Variants in MSR1 observed in about 807,000 individuals in gnomAD.
MSR1 encodes macrophage scavenger receptor types I and II.
In MSR1, 53 loss-of-function variants were observed where a neutral mutation model predicts 47.2. The ratio of observed to expected loss-of-function variants is 1.12; its 90% CI spans 0.90 to 1.41. The LOEUF (loss-of-function observed/expected upper bound fraction) is 1.41, where lower values mean the gene tolerates loss of function less well. Among genes scored for constraint, MSR1 ranks in the 40% most tolerant of loss-of-function variants. MSR1 has a pLI of 0.00. For synonymous variants in MSR1, 239 were observed against 185.6 expected, an observed-to-expected ratio of 1.29 and a Z score of -2.34; for missense variants, 786 against 546.9, an observed-to-expected ratio of 1.44 and a Z score of -4.36.
chr8:16,165,824 G>C (rs149966268), intron 4 of MSR1, among the ~76,000 whole-genome samples: 12 of 152,128 alleles, frequency 7.9e-5, no homozygotes, highest in African/African-American at 2.9e-4. Flanking sequence ...AGACTTACCA[G>C]CTTTTATTGC....
chr8:16,121,044 C>A, intron 8 of MSR1: 1 of 347,586 alleles, frequency 2.9e-6, no homozygotes. Context: ...GGGCGAGGAG[C>A]AGATATTTTA....
intron 9 of MSR1, among the ~76,000 whole-genome samples, chr8:16,119,305 A>C (rs1469317332): frequency 6.6e-6 from 1 of 151,774 alleles, no homozygotes; most frequent in Non-Finnish European, 1.5e-5. Flanking sequence ...GGCTCACTGC[A>C]ACCTCCACCT....
intron 8 of MSR1, among the ~76,000 whole-genome samples, chr8:16,138,092 G>T (rs1800435662): frequency 6.6e-6 from 1 of 151,812 alleles, no homozygotes; most frequent in Non-Finnish European, 1.5e-5. Context: ...TTAAGATTGA[G>T]CTGAGTCCTT....
chr8:16,112,882 T>A (rs148152127), intron 9 of MSR1, among the ~76,000 whole-genome samples: 5 of 151,686 alleles, frequency 3.3e-5, no homozygotes, highest in Non-Finnish European at 7.4e-5. Flanking sequence ...TATATATATC[T>A]ATGATTTCCT....
At chr8:16,128,319 T>G (rs183680061) in intron 8 of MSR1, among the ~76,000 whole-genome samples, 2 of 152,200 alleles carry the variant, frequency 1.3e-5, no homozygotes. Context: ...AGAGGCCATA[T>G]GGAGGTAATT....
chr8:16,180,407 G>T (rs139514269), intron 1 of MSR1, among the ~76,000 whole-genome samples: 1 of 152,132 alleles, frequency 6.6e-6, no homozygotes, highest in Non-Finnish European at 1.5e-5. Flanking sequence ...GGGGGCTCAA[G>T]AATTTGCAAT....
intron 1 of MSR1, among the ~76,000 whole-genome samples, chr8:16,188,980 A>G (rs894359153): frequency 1.4e-5 from 2 of 145,594 alleles, no homozygotes; most frequent in African/African-American, 5.0e-5. Flanking sequence ...ATATATATAT[A>G]TATATATATA....
chr8:16,191,675 A>G (rs571176978), intron 1 of MSR1, among the ~76,000 whole-genome samples: 3 of 152,288 alleles, frequency 2.0e-5, no homozygotes, highest in African/African-American at 7.2e-5. Flanking sequence ...GAATTTGAAC[A>G]CAGGCAGTCT....
At chr8:16,129,583 C>CA (rs1179277964) in intron 8 of MSR1, among the ~76,000 whole-genome samples, 1 of 152,002 alleles carries the variant, frequency 6.6e-6, no homozygotes, top group Non-Finnish European at 1.5e-5. Context: ...CCGTTCCCTA[C>CA]AAAAAATTTT....
intron 5 of MSR1, among the ~76,000 whole-genome samples, chr8:16,163,473 G>A (rs1437168601): frequency 6.6e-6 from 1 of 151,042 alleles, no homozygotes; most frequent in Non-Finnish European, 1.5e-5. Flanking sequence ...TCAAAATATA[G>A]AAAAAATCTA....
chr8:16,136,840 A>T (rs1315408275), intron 8 of MSR1, among the ~76,000 whole-genome samples: 1 of 151,970 alleles, frequency 6.6e-6, no homozygotes, highest in Non-Finnish European at 1.5e-5. Context: ...TGACCTTGTG[A>T]TCCACCCACC....
At chr8:16,128,196 G>A (rs1461232747) in intron 8 of MSR1, among the ~76,000 whole-genome samples, 1 of 152,164 alleles carries the variant, frequency 6.6e-6, no homozygotes, top group Non-Finnish European at 1.5e-5. Flanking sequence ...GTGTGCTGCA[G>A]AGATCCTGCC....
chr8:16,171,636 G>A (rs1303366245), intron 3 of MSR1, among the ~76,000 whole-genome samples: 1 of 151,998 alleles, frequency 6.6e-6, no homozygotes, highest in African/African-American at 2.4e-5. Context: ...AGTTACTCTG[G>A]GAATAAAAGA....
Position 16,140,292 on chromosome 8 carries a change from A to G in MSR1, c.1033+3266T>C, listed in dbSNP as rs1222559873. On this transcript the variant is annotated intron_variant, in intron 8 of 9. Transcript: ENST00000262101. ...CTCTGTCTCTTAAAACAAGAAAAAG[A>G]AAAAAAAAAAGCCCTTGACTCAGTC... The G allele has an allele frequency of 6.5e-5, 39 of 597,234 alleles. No homozygotes were observed. The Admixed American group carries it at 2.3e-3, about 35-fold the overall frequency. The allele number at this position is 597,234 out of a possible 1,614,324, so 37.0% of individuals were successfully genotyped here. A position where few individuals can be genotyped will look rare whatever the true frequency, so the allele number is the denominator to read the frequency against.
Position 16,143,708 on chromosome 8 carries a change from T to TA in MSR1, c.980-98dup, listed in dbSNP as rs3036811. ...TCATCACAAGGTAATTAAAATATAA[T>TA]AGAATGGACAGATATTGAAATGTAT... On this transcript the variant is annotated intron_variant, in intron 7 of 9. Transcript: ENST00000262101. The TA allele has an allele frequency of 1.7e-5, 14 of 828,686 alleles. No homozygotes were observed. In the East Asian group the frequency reaches 3.4e-4, roughly 20 times the overall value. 51.3% of individuals were successfully genotyped at this position (828,686 alleles called of 1,614,324 possible).
intron 6 of MSR1, among the ~76,000 whole-genome samples, chr8:16,150,594 A>G (rs1289380898): frequency 6.6e-6 from 1 of 152,122 alleles, no homozygotes; most frequent in Non-Finnish European, 1.5e-5. Context: ...TTTAACCAAA[A>G]GACTTATGTA....
rs1251173017 is a variant in MSR1, at chr8:16,109,686, A to T, written c.*399T>A. 5.1e-6 allele frequency: 1 copy of T among 197,460 alleles called. No homozygotes were observed. 12.2% of individuals were successfully genotyped at this position (197,460 alleles called of 1,614,324 possible). A position where few individuals can be genotyped will look rare whatever the true frequency, so the allele number is the denominator to read the frequency against. On this transcript the variant is annotated 3_prime_UTR_variant, in exon 10 of 10. Coordinates refer to ENST00000262101, the MANE Select transcript of MSR1 (RefSeq NM_138715.3). Reference sequence around the variant, plus strand: ...TTCTGATCCCTTCCGTTATTCAGAAAGTAATTAAAATCAACTAAATAGATT... The same window carrying T: ...TTCTGATCCCTTCCGTTATTCAGAATGTAATTAAAATCAACTAAATAGATT...
At chr8:16,131,659 T>C (rs1459917962) in intron 8 of MSR1, among the ~76,000 whole-genome samples, 2 of 152,070 alleles carry the variant, frequency 1.3e-5, no homozygotes, top group African/African-American at 4.8e-5. Flanking sequence ...GATTTTTGTA[T>C]ATGGTGTAAG....
intron 6 of MSR1, 129 bp downstream of exon 6, chr8:16,154,935 T>C (rs1389062088): frequency 2.8e-6 from 2 of 714,440 alleles, no homozygotes; most frequent in African/African-American, 1.8e-5. Context: ...TGTGCGTGCA[T>C]ACACACACAC....
Sources: gnomAD v4.1 joint callset for allele counts (sites outside exome capture counted in the v4.1 genomes callset) on GRCh38, gnomAD v4.1.1 for gene constraint, MANE v1.5 for transcripts, NCBI Gene and HGNC (gene_info 2026-07-23, HGNC 2026-07-21) for gene names.